IQANK1: variants seen among roughly 807,000 people sequenced by gnomAD.
The protein encoded by IQANK1 is IQ motif and ankyrin repeat containing 1.
A neutral mutation model predicts 22.6 loss-of-function variants in IQANK1; 30 were observed. The ratio of observed to expected loss-of-function variants is 1.33; its 90% CI spans 0.99 to 1.80. The LOEUF (loss-of-function observed/expected upper bound fraction) is 1.80. Among genes scored for constraint, IQANK1 ranks in the 40% most tolerant of loss-of-function variants. The pLI is 0.00. For synonymous variants in IQANK1, 122 were observed against 99.6 expected (o/e 1.23, Z -1.34); for missense variants, 275 against 235.2 (o/e 1.17, Z -1.11).
In IQANK1 at chr8:143,751,469, G is replaced by T. The variant is rs541856493; in HGVS notation, c.175+11521G>T. On this transcript the variant is annotated intron_variant, in intron 3 of 13. Coordinates refer to ENST00000527139, the MANE Select transcript of IQANK1 (RefSeq NM_001381874.1). The stretch of plus-strand genomic sequence containing the variant: ...TCTACTAAAAATACAAAAATTAGTC[G>T]GGTGTGGTGGCAGGTGCCTGTAATC... 6.1e-4 allele frequency among the ~76,000 whole-genome samples: 92 copies of T among 151,378 alleles called. 1 individual carries two copies. The highest frequency in any genetic ancestry group is 1.8e-3 in the African/African-American group (75 of 41,324).
intron 2 of IQANK1, among the ~76,000 whole-genome samples, chr8:143,738,362 A>G (rs1370521367): frequency 6.6e-6 from 1 of 152,158 alleles, no homozygotes; most frequent in Admixed American, 6.5e-5. Flanking sequence ...CTCCCACGCC[A>G]GGCTTGGCCC....
chr8:143,748,737 TATATAAATATATATCATATAA>T (rs1554627569), intron 3 of IQANK1, among the ~76,000 whole-genome samples: 9 of 108,930 alleles, frequency 8.3e-5, no homozygotes, highest in African/African-American at 3.2e-4. Context: ...CATATATAAA[TATATAAATATATATCATATAA>T]ATATATATAA....
intron 3 of IQANK1, among the ~76,000 whole-genome samples, chr8:143,749,918 T>C (rs1369154085): frequency 6.6e-6 from 1 of 151,970 alleles, no homozygotes; most frequent in Non-Finnish European, 1.5e-5. Flanking sequence ...ATAGTTATTA[T>C]ATATTCTTGC....
chr8:143,761,543 G>C (rs1819398028), intron 3 of IQANK1, among the ~76,000 whole-genome samples: 1 of 152,210 alleles, frequency 6.6e-6, no homozygotes, highest in South Asian at 2.1e-4. Context: ...GCCTATGCGG[G>C]AGGATTGCTT....
Position 143,772,338 on chromosome 8 carries a change from C to CG in IQANK1, c.664-13dup, listed in dbSNP as rs1270182392. The CG allele has an allele frequency of 7.5e-6, 3 of 398,770 alleles. No individual in the cohort carries two copies. Among genetic ancestry groups the CG allele is most frequent in the East Asian group, 7.1e-5 (2 of 28,058 alleles). The allele number at this position is 398,770 out of a possible 1,614,324, so 24.7% of individuals were successfully genotyped here. A position where few individuals can be genotyped will look rare whatever the true frequency, so the allele number is the denominator to read the frequency against. On this transcript the variant is annotated intron_variant, in intron 6 of 13. Coordinates refer to ENST00000527139, the MANE Select transcript of IQANK1 (RefSeq NM_001381874.1). The stretch of plus-strand genomic sequence containing the variant: ...CCAGGGGCAAGGCCTGGATCTTGCT[C>CG]GGGGGGCCCGTCTTGCAGGGCGCTT...
intron 3 of IQANK1, among the ~76,000 whole-genome samples, chr8:143,768,383 C>A (rs1819516887): frequency 6.6e-6 from 1 of 151,914 alleles, no homozygotes; most frequent in African/African-American, 2.4e-5. Flanking sequence ...GGGTTTCCGC[C>A]AGGTTTCTCC....
chr8:143,749,594 T>C (rs1210626820), intron 3 of IQANK1, among the ~76,000 whole-genome samples: 1 of 142,118 alleles, frequency 7.0e-6, no homozygotes, highest in African/African-American at 2.6e-5. Flanking sequence ...TTTATTTATT[T>C]ATTTATTTTT....
chr8:143,776,076 C>G (rs988319811), intron 7 of IQANK1, among the ~76,000 whole-genome samples: 1 of 151,896 alleles, frequency 6.6e-6, no homozygotes, highest in Non-Finnish European at 1.5e-5. Flanking sequence ...AATCCCAGCA[C>G]TTTGGGAGGC....
In IQANK1 at chr8:143,739,872, G is replaced by T. The variant is rs1554626197; in HGVS notation, c.99G>T (p.Glu33Asp). 1.4e-6 allele frequency: 1 copy of T among 695,404 alleles called. No homozygotes were observed. The highest frequency in any genetic ancestry group is 2.0e-5 in the Admixed American group (1 of 49,040). The allele number at this position is 695,404 out of a possible 1,614,324, so 43.1% of individuals were successfully genotyped here. ...GTTTTCCCTTAGGGAAGCCCGGGGA[G>T]AACCGCCCGCCGCAGAGGAAAGCGG... ...KTRAAAGKPG[E>D]NRPPQRKAGW... Residue 33 changes from glutamate to aspartate, a missense_variant, in exon 3 of 14, where the codon GAG becomes GAT. Physicochemically the swap from Glu to Asp is conservative, Grantham distance 45. Transcript: ENST00000527139.
intron 2 of IQANK1, chr8:143,739,480 C>T: frequency 5.0e-6 from 1 of 200,228 alleles, no homozygotes. Context: ...CCGGAAAGGG[C>T]CTGGGGGAGG....
intron 7 of IQANK1, among the ~76,000 whole-genome samples, chr8:143,780,385 G>A (rs1306846689): frequency 6.6e-6 from 1 of 152,076 alleles, no homozygotes; most frequent in Non-Finnish European, 1.5e-5. Flanking sequence ...TTATGCAGGT[G>A]ACATAGTCAT....
chr8:143,740,490 A>C (rs1313328106), intron 3 of IQANK1, among the ~76,000 whole-genome samples: 1 of 152,112 alleles, frequency 6.6e-6, no homozygotes, highest in Non-Finnish European at 1.5e-5. Flanking sequence ...GTCGGTCTCC[A>C]CGCACCCGCT....
Position 143,771,935 on chromosome 8 carries a change from C to T in IQANK1, c.441C>T (p.Asp147=), listed in dbSNP as rs1554629825. ...TGCTGGACGCCGCCTTCGACGGGGACGTGGGCGAGATCCGGGCGGTGCTGA... is the reference window on the plus strand; with the variant it reads ...TGCTGGACGCCGCCTTCGACGGGGATGTGGGCGAGATCCGGGCGGTGCTGA... The part of the protein sequence containing the change: ...RRLLDAAFDG[D]VGEIRAVLKE... The change falls in exon 5 of 14, where the codon GAC becomes GAT. Residue 147 remains aspartate (D), a synonymous_variant. Transcript: ENST00000527139. This position sits in a 1 kb window ranked among gnomAD's most constrained non-coding sequence, Gnocchi z 6.0. 2.6e-6 allele frequency: 1 copy of T among 380,066 alleles called. No homozygotes were observed. Among genetic ancestry groups the T allele is most frequent in the Non-Finnish European group, 4.5e-6 (1 of 220,854 alleles). The allele number at this position is 380,066 out of a possible 1,614,324, so 23.5% of individuals were successfully genotyped here. A position where few individuals can be genotyped will look rare whatever the true frequency, so the allele number is the denominator to read the frequency against.
chr8:143,772,224 G>T lies in IQANK1; in HGVS notation c.644G>T (p.Gly215Val). 1 of 395,446 alleles carries T rather than the reference G, an allele frequency of 2.5e-6. No individual in the cohort carries two copies. The highest frequency in any genetic ancestry group is 3.6e-5 in the East Asian group (1 of 27,794). The allele number at this position is 395,446 out of a possible 1,614,324, so 24.5% of individuals were successfully genotyped here. Reference protein sequence around the residue: ...PLAIQLRAELGASPNSKGAFG... With the variant: ...PLAIQLRAELVASPNSKGAFG... The stretch of plus-strand genomic sequence containing the variant: ...GCCATCCAGCTGCGGGCCGAGCTCG[G>T]CGCCAGCCCCAACAGCAAGGTGGGC... The change falls in exon 6 of 14, where the codon GGC becomes GTC. Residue 215 changes from glycine (G) to valine (V), a missense_variant. Gly to Val is a moderately radical substitution (Grantham distance 109). Transcript: ENST00000527139.
chr8:143,780,551 C>T (rs185467298), intron 7 of IQANK1, among the ~76,000 whole-genome samples: 52 of 152,224 alleles, frequency 3.4e-4, no homozygotes, highest in Non-Finnish European at 6.0e-4. Context: ...CTTTAGCTCC[C>T]GTTTACAGGT....
chr8:143,741,530 G>T (rs1278917896), intron 3 of IQANK1, among the ~76,000 whole-genome samples: 4 of 152,148 alleles, frequency 2.6e-5, no homozygotes, highest in African/African-American at 9.7e-5. Flanking sequence ...GTTGGCAGGG[G>T]GGATTCTACA....
At chr8:143,752,818 C>T (rs191601877) in intron 3 of IQANK1, among the ~76,000 whole-genome samples, 6 of 152,140 alleles carry the variant, frequency 3.9e-5, no homozygotes, top group East Asian at 1.9e-4. Context: ...GTACTCTCTA[C>T]GATGTTCACA....
At chr8:143,770,930 C>T (rs1554629681) in intron 3 of IQANK1, among the ~76,000 whole-genome samples, 1 of 152,248 alleles carries the variant, frequency 6.6e-6, no homozygotes, top group African/African-American at 2.4e-5. Flanking sequence ...GCCCCCTCCT[C>T]ACTGCGAGGC....
Position 143,774,301 on chromosome 8 carries a change from T to C in IQANK1, c.789+1819T>C, listed in dbSNP as rs376605882. Among the ~76,000 whole-genome samples, 123 of 152,188 alleles carry C rather than the reference T, an allele frequency of 8.1e-4. No individual in the cohort carries two copies. The highest frequency in any genetic ancestry group is 2.7e-3 in the African/African-American group (113 of 41,494). ...GGAGCAAACGTTTGTGAACCACGCA[T>C]CTGGCAAGGCACGTGTACCTAGAAC... is the stretch of plus-strand genomic sequence containing the variant. On this transcript the variant is annotated intron_variant, in intron 7 of 13. Coordinates refer to ENST00000527139, the MANE Select transcript of IQANK1 (RefSeq NM_001381874.1). This position sits in a 1 kb window ranked among gnomAD's most constrained non-coding sequence, Gnocchi z 4.2.
Sources: gnomAD v4.1 joint callset for allele counts (sites outside exome capture counted in the v4.1 genomes callset) on GRCh38, gnomAD v4.1.1 for gene constraint, Gnocchi (gnomAD v3.1) non-coding constraint, MANE v1.5 for transcripts, NCBI Gene and HGNC (gene_info 2026-07-23, HGNC 2026-07-21) for gene names.